Variants in STAU1 observed in about 807,000 individuals in gnomAD.
STAU1 encodes staufen double-stranded RNA binding protein 1.
In STAU1, 13 loss-of-function variants were observed where a neutral mutation model predicts 62.9. The observed-to-expected ratio is 0.21, with a 90% confidence interval of 0.13 to 0.33. STAU1 has a LOEUF of 0.33. Ranked by LOEUF, STAU1 falls within the 10% of genes least tolerant of loss-of-function variation. STAU1 has a pLI of 1.00. For synonymous variants in STAU1, 269 were observed against 265.1 expected, an observed-to-expected ratio of 1.01 and a Z score of -0.14; for missense variants, 571 against 712.1, an observed-to-expected ratio of 0.80 and a Z score of 2.25.
At chr20:49,155,151 G>A (rs1352715759) in intron 3 of STAU1, among the ~76,000 whole-genome samples, 1 of 151,720 alleles carries the variant, frequency 6.6e-6, no homozygotes. Context: ...CACACTCAAA[G>A]AGTTACAATA....
intron 7 of STAU1, 29 bp from the exon 8 acceptor site, chr20:49,123,264 T>C: frequency 6.2e-7 from 1 of 1,614,128 alleles, no homozygotes; most frequent in Non-Finnish European, 8.5e-7. Context: ...AGAAACTCTG[T>C]AATGTTATTC....
chr20:49,126,574 C>CAAAAAAAAAAAAAAACAAAAAAAAA (rs58056780), intron 6 of STAU1, among the ~76,000 whole-genome samples: 1 of 25,040 alleles, frequency 4.0e-5, no homozygotes, highest in African/African-American at 1.4e-4. Context: ...TCTCAAAAAG[C>CAAAAAAAAAAAAAAACAAAAAAAAA]AAAAAAAAAA....
chr20:49,129,220 T>C (rs1009946710), intron 6 of STAU1, among the ~76,000 whole-genome samples: 1 of 149,678 alleles, frequency 6.7e-6, no homozygotes, highest in African/African-American at 2.5e-5. Flanking sequence ...CATGGAGATA[T>C]ATAAATTAAA....
chr20:49,187,780 C>CCT (rs1366941000), intron 1 of STAU1, among the ~76,000 whole-genome samples: 1 of 55,632 alleles, frequency 1.8e-5, no homozygotes, highest in African/African-American at 5.6e-5. Context: ...GGGACCCCCC[C>CCT]CCCCCCCCGC....
At chr20:49,217,386 G>A in the STAU1 span, among the ~76,000 whole-genome samples, 1 of 151,762 alleles carries the variant, frequency 6.6e-6, no homozygotes, top group Non-Finnish European at 1.5e-5. Context: ...AGGTATAGAA[G>A]GGTTAGTTTG....
chr20:49,119,018 G>A (rs1423184267), intron 9 of STAU1, among the ~76,000 whole-genome samples: 1 of 152,088 alleles, frequency 6.6e-6, no homozygotes, highest in Admixed American at 6.6e-5. Context: ...GTTATTAACT[G>A]GCCATGACTG....
intron 5 of STAU1, among the ~76,000 whole-genome samples, chr20:49,143,639 C>T (rs1021558156): frequency 6.6e-6 from 1 of 152,174 alleles, no homozygotes; most frequent in South Asian, 2.1e-4. Flanking sequence ...CTGAACCACA[C>T]TTAACCCTCA....
intron 4 of STAU1, 73 bp downstream of exon 4, chr20:49,153,860 G>GTACT (rs1490678939): frequency 8.2e-6 from 12 of 1,455,926 alleles, no homozygotes; most frequent in Middle Eastern, 1.8e-4. Flanking sequence ...CAATCTAGAG[G>GTACT]TACTGGTTTA....
intron 5 of STAU1, among the ~76,000 whole-genome samples, chr20:49,140,448 A>AT (rs1285325690): frequency 6.6e-6 from 1 of 152,218 alleles, no homozygotes; most frequent in African/African-American, 2.4e-5. Flanking sequence ...AATATTTACT[A>AT]TTCATACCAT....
Position 49,124,376 on chromosome 20 carries a change from T to A in STAU1, c.821A>T (p.Lys274Met). 6.2e-7 allele frequency: 1 copy of A among 1,613,694 alleles called. No individual in the cohort carries two copies. The highest frequency in any genetic ancestry group is 8.5e-7 in the Non-Finnish European group (1 of 1,179,938). Residue 274 changes from lysine to methionine, a missense_variant and splice_region_variant, in exon 7 of 14, where the codon AAG becomes ATG. Lys to Met is a moderately conservative substitution (Grantham distance 95). Transcript: ENST00000371856. ...TTCTGTGTTCAGAAAAGTTCTCACC[T>A]TGACTATGGGTTTTGTTTTCTTTTT... Reference protein sequence around the residue: ...RIKKKTKPIVKPQTSPEYGQG... With the variant: ...RIKKKTKPIVMPQTSPEYGQG...
the STAU1 span, among the ~76,000 whole-genome samples, chr20:49,195,459 A>AC: frequency 7.2e-6 from 1 of 138,594 alleles, no homozygotes; most frequent in African/African-American, 2.7e-5. Context: ...AATGGCGTGA[A>AC]CCCGGGAGGC....
chr20:49,121,709 C>T (rs1600612478), intron 8 of STAU1, among the ~76,000 whole-genome samples: 1 of 152,168 alleles, frequency 6.6e-6, no homozygotes, highest in Admixed American at 6.5e-5. Flanking sequence ...TCCTTTGTGT[C>T]AGTAAAATTT....
At chr20:49,178,104 A>G (rs1447103942) in intron 1 of STAU1, among the ~76,000 whole-genome samples, 1 of 151,748 alleles carries the variant, frequency 6.6e-6, no homozygotes, top group Non-Finnish European at 1.5e-5. Flanking sequence ...TTGAGACCAG[A>G]AGATTGAGGC....
At chr20:49,119,844 G>C (rs1218873492) in intron 9 of STAU1, 138 bp downstream of exon 9, 9 of 1,062,968 alleles carry the variant, frequency 8.5e-6, no homozygotes, top group South Asian at 6.8e-5. Context: ...GGTCCAAATG[G>C]ATGAGACACT....
chr20:49,189,577 G>A (rs1409514761), upstream of STAU1, among the ~76,000 whole-genome samples: 2 of 134,024 alleles, frequency 1.5e-5, no homozygotes, highest in African/African-American at 2.9e-5. Flanking sequence ...CCGAGATCAC[G>A]CCATTGCACT....
intron 6 of STAU1, chr20:49,134,970 TGAAGA>T: frequency 6.2e-7 from 1 of 1,602,908 alleles, no homozygotes; most frequent in South Asian, 1.1e-5. Context: ...ACTTGCTTTG[TGAAGA>T]GACAGTTCAT....
intron 3 of STAU1, among the ~76,000 whole-genome samples, chr20:49,158,670 C>T (rs1372741586): frequency 2.8e-4 from 43 of 151,880 alleles, no homozygotes; most frequent in Non-Finnish European, 2.9e-5. Flanking sequence ...ATTAGCCAGG[C>T]GTGGTGGCAT....
chr20:49,172,123 G>A (rs1486046947), intron 2 of STAU1, among the ~76,000 whole-genome samples: 1 of 152,180 alleles, frequency 6.6e-6, no homozygotes, highest in Non-Finnish European at 1.5e-5. Context: ...TTGGCCCAAT[G>A]CCATGGGCAA....
chr20:49,177,100 A>AC (rs1308487805), intron 1 of STAU1, among the ~76,000 whole-genome samples: 6 of 151,716 alleles, frequency 4.0e-5, no homozygotes, highest in Non-Finnish European at 8.8e-5. Flanking sequence ...TTTAGTAGAG[A>AC]TGGGTCTCAC....
Sources: allele counts gnomAD v4.1 joint callset (sites outside exome capture counted in the v4.1 genomes callset), GRCh38; gene constraint gnomAD v4.1.1; transcripts MANE v1.5; gene names NCBI Gene and HGNC (gene_info 2026-07-23, HGNC 2026-07-21).